The following NIN variants were observed in gnomAD, a reference collection of about 807,000 sequenced individuals.
NIN encodes the protein ninein.
NIN carries 137 observed loss-of-function variants against 257.6 expected under a neutral mutation model. The ratio of observed to expected loss-of-function variants is 0.53; its 90% CI spans 0.46 to 0.61. The LOEUF is 0.61. NIN is among the 20% of genes least tolerant of loss of function. The pLI is 0.00. For synonymous variants in NIN, 918 were observed against 919.8 expected, an observed-to-expected ratio of 1.00 and a Z score of 0.04; for missense variants, 2,439 against 2,501.2, an observed-to-expected ratio of 0.98 and a Z score of 0.53.
intron 15 of NIN, among the ~76,000 whole-genome samples, chr14:50,763,265 T>C (rs1199056598): frequency 6.6e-6 from 1 of 151,610 alleles, no homozygotes; most frequent in Non-Finnish European, 1.5e-5. Flanking sequence ...TCATAGTTAA[T>C]GCAGGAGGCT....
intron 18 of NIN, among the ~76,000 whole-genome samples, chr14:50,755,144 AT>A (rs1371208576): frequency 2.6e-5 from 4 of 152,170 alleles, no homozygotes; most frequent in Non-Finnish European, 4.4e-5. Flanking sequence ...CTGGTTGTTG[AT>A]TTTTCTCAAT....
Position 50,738,194 on chromosome 14 carries a change from G to C in NIN, c.5721C>G (p.Ser1907Arg), listed in dbSNP as rs2041094874. The C allele has an allele frequency of 1.2e-6, 2 of 1,613,956 alleles. No homozygotes were observed. The highest frequency in any genetic ancestry group is 4.5e-5 in the East Asian group (2 of 44,892). The change falls in exon 27 of 31, where the codon AGC becomes AGG. Residue 1907 changes from serine (S) to arginine (R), a missense_variant. Physicochemically the swap from Ser to Arg is moderately radical, Grantham distance 110 (BLOSUM62 -1). Transcript: ENST00000530997. The stretch of plus-strand genomic sequence containing the variant: ...GAAACTGATCACACTCTCTCTTTAA[G>C]CTCAATTTTTCTTGCTCTGTGGGAT... ...TMNPTEQEKLSLKRECDQFQK... is the reference protein window; with the variant it reads ...TMNPTEQEKLRLKRECDQFQK...
intron 14 of NIN, among the ~76,000 whole-genome samples, chr14:50,764,362 C>CTGT (rs1409280370): frequency 2.0e-5 from 3 of 152,150 alleles, no homozygotes; most frequent in Admixed American, 6.5e-5. Context: ...ACAATAACGA[C>CTGT]TGTTGGTGAA....
At chr14:50,791,816 C>A (rs9323194) in intron 5 of NIN, among the ~76,000 whole-genome samples, 109 of 5,426 alleles carry the variant, frequency 0.02, no homozygotes, top group South Asian at 0.034. Context: ...CGCACACACA[C>A]ACACACACAC....
In NIN at chr14:50,757,888, C is replaced by G; in HGVS notation, c.3142G>C (p.Gly1048Arg). 2 of 1,614,168 alleles carry G rather than the reference C, an allele frequency of 1.2e-6. No homozygotes were observed. Among genetic ancestry groups the G allele is most frequent in the Non-Finnish European group, 1.7e-6 (2 of 1,180,028 alleles). Reference sequence around the variant, plus strand: ...CCTTGCTGAAGCAGGGACAGGGCTCCATCTCCTTCCACCTCCTCCTCTCCT... The same window carrying G: ...CCTTGCTGAAGCAGGGACAGGGCTCGATCTCCTTCCACCTCCTCCTCTCCT... ...VIGEEEVEGD[G>R]ALSLLQQGEQ... Residue 1048 changes from glycine to arginine, a missense_variant, in exon 18 of 31, where the codon GGA becomes CGA. Gly to Arg is a moderately radical substitution (Grantham distance 125, BLOSUM62 -2). Transcript: ENST00000530997.
At chr14:50,800,283 T>C (rs1298168939) in intron 4 of NIN, among the ~76,000 whole-genome samples, 1 of 152,204 alleles carries the variant, frequency 6.6e-6, no homozygotes, top group Non-Finnish European at 1.5e-5. Context: ...ACTTGCTTTA[T>C]ACAGGCTGAC....
intron 4 of NIN, among the ~76,000 whole-genome samples, chr14:50,805,061 G>A (rs575287864): frequency 4.0e-4 from 61 of 152,332 alleles, no homozygotes; most frequent in African/African-American, 1.4e-3. Context: ...AGGTTTTGAA[G>A]AAATGGCAGC....
At chr14:50,747,460 G>A (rs985032839) in intron 22 of NIN, among the ~76,000 whole-genome samples, 9 of 152,228 alleles carry the variant, frequency 5.9e-5, no homozygotes, top group Non-Finnish European at 1.2e-4. Flanking sequence ...TGGGCCGGAT[G>A]CAGTGGCCCG....
In NIN at chr14:50,760,437, C is replaced by CTTT. The variant is rs35995624; in HGVS notation, c.1897-81_1897-79dup. ...AAGTGAAGTGATGGAGCAGCAATTG[C>CTTT]TTTTTTTTTTTTTTTTTTTTTCCCT... On this transcript the variant is annotated intron_variant, in intron 16 of 30. Coordinates refer to ENST00000530997, the MANE Select transcript of NIN (RefSeq NM_020921.4). 296 of 425,480 alleles carry CTTT rather than the reference C, an allele frequency of 7.0e-4. 1 individual carries two copies. The highest frequency in any genetic ancestry group is 5.7e-3 in the African/African-American group (198 of 35,026). The allele number at this position is 425,480 out of a possible 1,614,324, so 26.4% of individuals were successfully genotyped here.
intron 4 of NIN, among the ~76,000 whole-genome samples, chr14:50,804,907 G>A (rs1302761629): frequency 6.6e-6 from 1 of 152,226 alleles, no homozygotes; most frequent in Non-Finnish European, 1.5e-5. Context: ...CAGCCCATGG[G>A]CCGTGGGTTG....
intron 27 of NIN, among the ~76,000 whole-genome samples, chr14:50,737,495 CAAAAAAAAAA>C (rs58386910): frequency 0.032 from 1,751 of 54,540 alleles, 34 homozygotes; most frequent in African/African-American, 0.094. Flanking sequence ...TGTTACATAG[CAAAAAAAAAA>C]AAAAAAAAAA....
intron 5 of NIN, among the ~76,000 whole-genome samples, chr14:50,785,373 G>A (rs1184405476): frequency 6.6e-6 from 1 of 152,266 alleles, no homozygotes; most frequent in Non-Finnish European, 1.5e-5. Context: ...AGAATGTACG[G>A]CTAATTAAAA....
intron 12 of NIN, among the ~76,000 whole-genome samples, chr14:50,767,780 G>A (rs993789876): frequency 1.1e-4 from 16 of 147,854 alleles, no homozygotes; most frequent in African/African-American, 2.5e-4. Context: ...TGGCGCCACT[G>A]CACTCCAGCC....
At chr14:50,783,514 T>C (rs1291815665) in intron 5 of NIN, among the ~76,000 whole-genome samples, 2 of 152,104 alleles carry the variant, frequency 1.3e-5, no homozygotes, top group Non-Finnish European at 2.9e-5. Flanking sequence ...CCACCTCAGT[T>C]AGAGATGGGG....
chr14:50,751,760 C>G (rs983566003), intron 21 of NIN, among the ~76,000 whole-genome samples: 3 of 152,150 alleles, frequency 2.0e-5, no homozygotes, highest in African/African-American at 7.2e-5. Context: ...CTCCTAGGCT[C>G]AAGCTATTCT....
rs1412852345 is a variant in NIN at position 50,779,752 on chromosome 14, C to T, written c.436-948G>A. Among the ~76,000 whole-genome samples the T allele has an allele frequency of 4.1e-5, 6 of 146,748 alleles. No individual in the cohort carries two copies. The South Asian group carries it at 8.6e-4, about 21-fold the overall frequency. ...CAGCCTGGGCAACAGAGCGAGACTC[C>T]GTCTCAAAAAAAAAAAAAGAAAAGA... On this transcript the variant is annotated intron_variant, in intron 5 of 30. Transcript: ENST00000530997.
Position 50,763,897 on chromosome 14 carries a change from A to G in NIN, c.1703T>C (p.Leu568Pro). 1 of 1,614,036 alleles carries G rather than the reference A, an allele frequency of 6.2e-7. No homozygotes were observed. Among genetic ancestry groups the G allele is most frequent in the Non-Finnish European group, 8.5e-7 (1 of 1,179,898 alleles). Residue 568 changes from leucine to proline, a missense_variant, in exon 15 of 31, where the codon CTC becomes CCC. Around this residue, in one of 3 missense-constraint regions of NIN, gnomAD observed 2,043 missense variants for 2,050.2 expected, o/e 1.00. Coordinates refer to ENST00000530997, the MANE Select transcript of NIN (RefSeq NM_020921.4). ...CGGTGAGTTCTTCAACGGAAGCCTGAGCACTCTGCCTTGTGCACGATATTC... is the reference window on the plus strand; with the variant it reads ...CGGTGAGTTCTTCAACGGAAGCCTGGGCACTCTGCCTTGTGCACGATATTC... ...LEEYRAQGRV[L>P]RLPLKNSPSE...
In NIN at chr14:50,757,163, C is replaced by T. The variant is rs761766318; in HGVS notation, c.3867G>A (p.Arg1289=). Residue 1289 remains arginine, a synonymous_variant, in exon 18 of 31, where the codon AGG becomes AGA. Coordinates refer to ENST00000530997, the MANE Select transcript of NIN (RefSeq NM_020921.4). ...NNKELTAEVF[R]LQDELKKMEE... is the part of the protein sequence containing the mutation. ...CCATTTTCTTCAGCTCATCCTGCAA[C>T]CTGAAAACCTCTGCAGTGAGTTCTT... 6.2e-7 allele frequency: 1 copy of T among 1,612,834 alleles called. No individual in the cohort carries two copies. Among genetic ancestry groups the T allele is most frequent in the Non-Finnish European group, 8.5e-7 (1 of 1,179,656 alleles).
Position 50,792,836 on chromosome 14 carries a change from C to T in NIN, c.311G>A (p.Arg104His), listed in dbSNP as rs140133644. ...AQPKYVRGGK[R>H]YGRRSLPEFQ... is the part of the protein sequence containing the mutation. ...CTCGGGCAAGGACCTTCGTCCGTAACGCTTCCCACCTCTAACATATTTGGG... is the reference window on the plus strand; with the variant it reads ...CTCGGGCAAGGACCTTCGTCCGTAATGCTTCCCACCTCTAACATATTTGGG... The change falls in exon 5 of 31, where the codon CGT becomes CAT. Residue 104 changes from arginine (R) to histidine (H), a missense_variant. This residue lies in a region of NIN where 387 missense variants were observed against 427.3 expected (regional missense o/e 0.91). Coordinates refer to ENST00000530997, the MANE Select transcript of NIN (RefSeq NM_020921.4). 2.2e-5 allele frequency: 36 copies of T among 1,614,126 alleles called. No homozygotes were observed. The highest frequency in any genetic ancestry group is 1.2e-4 in the African/African-American group (9 of 74,938).
Sources: allele counts gnomAD v4.1 joint callset (sites outside exome capture counted in the v4.1 genomes callset), GRCh38; gene constraint gnomAD v4.1.1; regional missense constraint gnomAD v4.1.1; transcripts MANE v1.5; gene names NCBI Gene and HGNC (gene_info 2026-07-23, HGNC 2026-07-21).